ANKRD18A: variants seen among roughly 807,000 people sequenced by gnomAD.
The protein encoded by ANKRD18A is ankyrin repeat domain 18A.
In ANKRD18A, 72 loss-of-function variants were observed where a neutral mutation model predicts 110.6. The observed-to-expected ratio is 0.65, with a 90% confidence interval of 0.54 to 0.79. The LOEUF (loss-of-function observed/expected upper bound fraction) is 0.79. Among genes scored for constraint, ANKRD18A ranks in the 30% least tolerant of loss-of-function variants. ANKRD18A has a pLI of 0.00. For missense variants in ANKRD18A, 934 were observed against 1,163.3 expected, an observed-to-expected ratio of 0.80 and a Z score of 2.87; for synonymous variants, 305 against 410.3, an observed-to-expected ratio of 0.74 and a Z score of 3.10.
chr9:38,599,320 A>T (rs1237188530), intron 8 of ANKRD18A, among the ~76,000 whole-genome samples: 1 of 152,202 alleles, frequency 6.6e-6, no homozygotes, highest in Admixed American at 6.5e-5. Context: ...CCTCACCATC[A>T]GGGATAGGAT....
chr9:38,614,237 T>G (rs1177238516), intron 3 of ANKRD18A, among the ~76,000 whole-genome samples: 1,905 of 137,692 alleles, frequency 0.014, 41 homozygotes, highest in African/African-American at 0.055. Flanking sequence ...TTTTTTTTTT[T>G]TTTTTTGCTC....
downstream of ANKRD18A, chr9:38,569,456 T>C (rs541046263): frequency 1.0e-6 from 1 of 979,604 alleles, no homozygotes; most frequent in South Asian, 4.7e-5. Flanking sequence ...AAAACAATCC[T>C]TCATGCAGAG....
At chr9:38,610,474 G>T (rs1157560440) in intron 4 of ANKRD18A, 64 bp from the exon 5 acceptor site, 1 of 1,495,920 alleles carries the variant, frequency 6.7e-7, no homozygotes, top group Non-Finnish European at 8.9e-7. Context: ...TAGCAAATTG[G>T]ATACACTTTA....
intron 12 of ANKRD18A, among the ~76,000 whole-genome samples, chr9:38,580,189 T>A (rs1824095196): frequency 6.6e-6 from 1 of 152,210 alleles, no homozygotes; most frequent in African/African-American, 2.4e-5. Flanking sequence ...GAGAATCACT[T>A]GAAGCCAAAA....
At chr9:38,570,748 T>C (rs1476490283), downstream of ANKRD18A, among the ~76,000 whole-genome samples, 3 of 151,862 alleles carry the variant, frequency 2.0e-5, no homozygotes, top group Non-Finnish European at 2.9e-5. Flanking sequence ...GCCTGGGGGG[T>C]TTTCTTGGGC....
rs535115776 is a variant in ANKRD18A, at chr9:38,577,170, C to G, written c.2624G>C (p.Cys875Ser). Residue 875 changes from cysteine (C) to serine (S), a missense_variant, in exon 14 of 16, where the codon TGT becomes TCT. Coordinates refer to ENST00000399703, the MANE Select transcript of ANKRD18A (RefSeq NM_147195.4). ...KKELTLKDVE[C>S]KFSKMKTAYE... ...AGCAGTTTTCATTTTGGAGAATTTA[C>G]ATTCCACATCTTTAAGTGTGAGTTC... The G allele has an allele frequency of 6.5e-7, 1 of 1,549,010 alleles. No individual in the cohort carries two copies. Among genetic ancestry groups the G allele is most frequent in the Non-Finnish European group, 8.7e-7 (1 of 1,146,386 alleles).
intron 12 of ANKRD18A, among the ~76,000 whole-genome samples, chr9:38,584,708 T>C (rs959585672): frequency 1.3e-5 from 2 of 152,162 alleles, no homozygotes; most frequent in African/African-American, 4.8e-5. Context: ...CATACATATA[T>C]TTTAAAGTAT....
chr9:38,603,760 C>T (rs1283904409), intron 6 of ANKRD18A, among the ~76,000 whole-genome samples: 6 of 152,140 alleles, frequency 3.9e-5, no homozygotes, highest in South Asian at 2.1e-4. Context: ...CAAATTGAAT[C>T]TAATGCCTCC....
intron 10 of ANKRD18A, among the ~76,000 whole-genome samples, chr9:38,593,433 A>C (rs1824740707): frequency 6.6e-6 from 1 of 152,236 alleles, no homozygotes. Context: ...CTTCTGACTT[A>C]ATCTGGCTTG....
At chr9:38,603,267 C>A in intron 6 of ANKRD18A, 55 bp from the exon 7 acceptor site, 1 of 1,547,824 alleles carries the variant, frequency 6.5e-7, no homozygotes, top group Non-Finnish European at 8.7e-7. Context: ...CATCCCTCTG[C>A]CTCCTTACCT....
In ANKRD18A at chr9:38,611,645, G is replaced by T. The variant is rs533599125; in HGVS notation, c.496-324C>A. Among the ~76,000 whole-genome samples the T allele has an allele frequency of 1.2e-4, 18 of 152,172 alleles. No individual in the cohort carries two copies. The South Asian group carries it at 2.3e-3, about 19-fold the overall frequency. On this transcript the variant is annotated intron_variant, in intron 3 of 15. Coordinates refer to ENST00000399703, the MANE Select transcript of ANKRD18A (RefSeq NM_147195.4). The stretch of plus-strand genomic sequence containing the variant: ...CACTGAAACCAAGAGATTCTCAAGG[G>T]CAAGGGCTGTATCTTTTTTCTCTAT...
rs1369637545 is a variant in ANKRD18A at position 38,595,625 on chromosome 9, A to C, written c.1715T>G (p.Ile572Arg). 6.4e-7 allele frequency: 1 copy of C among 1,551,060 alleles called. No individual in the cohort carries two copies. The highest frequency in any genetic ancestry group is 2.0e-5 in the Admixed American group (1 of 50,964). ...ACAGTCTCTGTGGATATTAATGACT[A>C]TCTCTTTATTATCGCCTTCCTTACG... Reference protein sequence around the residue: ...DARKEGDNKEIVINIHRDCLE... With the variant: ...DARKEGDNKERVINIHRDCLE... Residue 572 changes from isoleucine (I) to arginine (R), a missense_variant, in exon 9 of 16, where the codon ATA becomes AGA. Around this residue, in one of 4 missense-constraint regions of ANKRD18A, gnomAD observed 630 missense variants for 797.5 expected, o/e 0.79. Transcript: ENST00000399703.
intron 10 of ANKRD18A, among the ~76,000 whole-genome samples, chr9:38,591,269 AG>A (rs1274058264): frequency 7.2e-5 from 11 of 152,024 alleles, no homozygotes; most frequent in African/African-American, 2.4e-4. Flanking sequence ...CTCACCAACC[AG>A]GTGTTCCATG....
chr9:38,569,300 C>T (rs1346862088), downstream of ANKRD18A: 39 of 967,030 alleles, frequency 4.0e-5, no homozygotes, highest in Middle Eastern at 5.3e-4. Flanking sequence ...CTGGTGAGTG[C>T]TCAGGGATTA....
chr9:38,579,630 T>A (rs1244524470), intron 12 of ANKRD18A, among the ~76,000 whole-genome samples: 3 of 152,178 alleles, frequency 2.0e-5, no homozygotes, highest in Admixed American at 6.5e-5. Flanking sequence ...CAATGTGATA[T>A]AATCTTGCTC....
intron 5 of ANKRD18A, among the ~76,000 whole-genome samples, chr9:38,607,732 C>T (rs1276974616): frequency 2.6e-5 from 4 of 152,206 alleles, no homozygotes; most frequent in South Asian, 2.1e-4. Context: ...TTCTAGTTAG[C>T]TTAACAGCCT....
In ANKRD18A at chr9:38,577,209, G is replaced by T. The variant is rs2118651889; in HGVS notation, c.2585C>A (p.Ser862Ter). The T allele has an allele frequency of 1.9e-6, 3 of 1,546,496 alleles. No homozygotes were observed. The East Asian group carries it at 7.4e-5, about 38-fold the overall frequency. ...LEQLNKDNTA[S>*]LKKKELTLKD... The stretch of plus-strand genomic sequence containing the variant: ...AAGTGTGAGTTCCTTCTTTTTTAGT[G>T]AAGCCGTATTATCCTTGTTTAACTG... The change falls in exon 14 of 16, where the codon TCA becomes TAA. Residue 862 changes from serine to a stop codon, truncating the protein, a stop_gained. Transcript: ENST00000399703. LOFTEE classifies it high-confidence loss of function.
At chr9:38,601,991 G>GAA (rs66982362) in intron 7 of ANKRD18A, among the ~76,000 whole-genome samples, 14 of 79,636 alleles carry the variant, frequency 1.8e-4, no homozygotes, top group African/African-American at 2.6e-4. Flanking sequence ...TCCAAAAACA[G>GAA]AAAAAAAAAA....
At chr9:38,578,834 G>C (rs939991246) in intron 12 of ANKRD18A, among the ~76,000 whole-genome samples, 15 of 152,168 alleles carry the variant, frequency 9.9e-5, no homozygotes, top group African/African-American at 3.6e-4. Flanking sequence ...CGTGAATTAT[G>C]ACCACATCAC....
Sources: allele counts gnomAD v4.1 joint callset (sites outside exome capture counted in the v4.1 genomes callset), GRCh38; gene constraint gnomAD v4.1.1; regional missense constraint gnomAD v4.1.1; transcripts MANE v1.5; gene names NCBI Gene and HGNC (gene_info 2026-07-23, HGNC 2026-07-21).